KNTC1: variants seen among roughly 807,000 people sequenced by gnomAD.
KNTC1 encodes kinetochore-associated protein 1.
KNTC1 carries 253 observed loss-of-function variants against 314.4 expected under a neutral mutation model. That is an observed-to-expected ratio of 0.80 (90% CI 0.73 to 0.89). KNTC1 has a LOEUF of 0.89. Among genes scored for constraint, KNTC1 ranks in the 40% least tolerant of loss-of-function variants. The pLI is 0.00. For synonymous variants in KNTC1, 901 were observed against 901.4 expected, an observed-to-expected ratio of 1.00 and a Z score of 0.01; for missense variants, 2,475 against 2,572.9, an observed-to-expected ratio of 0.96 and a Z score of 0.82.
chr12:122,618,474 G>A lies in KNTC1; in HGVS notation c.6086-8G>A. ...TATATCATGGTTGTTTTTTTGTTTT[G>A]TTTTCAGCCTCTTGTCCTTTAAGTC... On this transcript the variant is annotated splice_polypyrimidine_tract_variant and splice_region_variant and intron_variant, in intron 58 of 63. Transcript: ENST00000333479. 1 of 1,509,478 alleles carries A rather than the reference G, an allele frequency of 6.6e-7. No homozygotes were observed. The highest frequency in any genetic ancestry group is 2.4e-5 in the East Asian group (1 of 41,282). 93.5% of individuals were successfully genotyped at this position (1,509,478 alleles called of 1,614,324 possible).
At chr12:122,610,780 C>T in intron 52 of KNTC1, 42 bp from the exon 53 acceptor site, 1 of 1,258,410 alleles carries the variant, frequency 7.9e-7, no homozygotes, top group South Asian at 1.2e-5. Flanking sequence ...GGTAATCCAT[C>T]ACTAAATTAA....
chr12:122,622,082 G>A (rs1452131325), intron 61 of KNTC1, 112 bp downstream of exon 61: 2 of 796,618 alleles, frequency 2.5e-6, no homozygotes, highest in Middle Eastern at 2.2e-4. Flanking sequence ...GTTTGTTTAT[G>A]TATAGAATTA....
intron 35 of KNTC1, 44 bp downstream of exon 35, chr12:122,584,494 A>G (rs370722847): frequency 1.4e-6 from 2 of 1,441,784 alleles, no homozygotes; most frequent in Non-Finnish European, 1.9e-6. Context: ...TCTCTGGTTC[A>G]TGTCATACTT....
intron 3 of KNTC1, among the ~76,000 whole-genome samples, chr12:122,536,038 C>T (rs1463797289): frequency 1.3e-5 from 2 of 150,404 alleles, no homozygotes; most frequent in African/African-American, 2.4e-5. Context: ...GGACTACAGG[C>T]GCCCACCACC....
Position 122,559,304 on chromosome 12 carries a change from C to T in KNTC1, c.1488+1615C>T, listed in dbSNP as rs575674610. On this transcript the variant is annotated intron_variant, in intron 18 of 63. Coordinates refer to ENST00000333479, the MANE Select transcript of KNTC1 (RefSeq NM_014708.6). ...TGGAGGTTGCTTTGAGCTGAGATCG[C>T]GCTTCCAGCCTGGCAACGGAGCAAG... Among the ~76,000 whole-genome samples the T allele has an allele frequency of 4.6e-5, 7 of 151,984 alleles. No individual in the cohort carries two copies. The South Asian group carries it at 6.2e-4, about 13-fold the overall frequency.
chr12:122,622,053 A>T, intron 61 of KNTC1, 83 bp downstream of exon 61: 4 of 930,920 alleles, frequency 4.3e-6, no homozygotes, highest in Non-Finnish European at 6.7e-6. Flanking sequence ...GAGTAAGCTG[A>T]AAACTGCTAT....
chr12:122,617,887 CT>C (rs796511098), intron 57 of KNTC1, among the ~76,000 whole-genome samples: 43 of 152,334 alleles, frequency 2.8e-4, no homozygotes, highest in African/African-American at 8.9e-4. Context: ...ATACAATTCA[CT>C]TGTAAAATTC....
At chr12:122,568,608 G>A (rs746160847) in intron 21 of KNTC1, among the ~76,000 whole-genome samples, 2 of 152,160 alleles carry the variant, frequency 1.3e-5, no homozygotes, top group South Asian at 2.1e-4. Flanking sequence ...AGGCCGAGGC[G>A]GGCTGATCAC....
At chr12:122,606,979 T>C (rs904619928) in intron 51 of KNTC1, among the ~76,000 whole-genome samples, 1 of 152,202 alleles carries the variant, frequency 6.6e-6, no homozygotes, top group Non-Finnish European at 1.5e-5. Context: ...ATTGTCCTAA[T>C]AACGTTTTTT....
At chr12:122,590,868 C>T in intron 41 of KNTC1, 133 bp downstream of exon 41, 2 of 843,370 alleles carry the variant, frequency 2.4e-6, no homozygotes, top group Non-Finnish European at 3.6e-6. Context: ...TTTCTACCAG[C>T]TTCTGCTTGA....
chr12:122,584,823 TA>T (rs1868996350), intron 35 of KNTC1, 69 bp from the exon 36 acceptor site: 1 of 801,546 alleles, frequency 1.2e-6, no homozygotes, highest in Non-Finnish European at 2.0e-6. Flanking sequence ...TGGTAATTAT[TA>T]AAAGGTTGTT....
chr12:122,604,910 A>C lies in KNTC1; in HGVS notation c.5209A>C (p.Lys1737Gln), dbSNP rs1484736662. 1 of 1,609,036 alleles carries C rather than the reference A, an allele frequency of 6.2e-7. No individual in the cohort carries two copies. Among genetic ancestry groups the C allele is most frequent in the Non-Finnish European group, 8.5e-7 (1 of 1,177,614 alleles). The change falls in exon 50 of 64, where the codon AAG (lysine) becomes CAG (glutamine). Residue 1737 changes from lysine to glutamine, a missense_variant. Physicochemically the swap from Lys to Gln is moderately conservative, Grantham distance 53 (BLOSUM62 1). Coordinates refer to ENST00000333479, the MANE Select transcript of KNTC1 (RefSeq NM_014708.6). Reference sequence around the variant, plus strand: ...ACGTGAAAAAGCCGAGGCTTTGTTGAAGAAGCTTCATATCCAGTACCGGCG... The same window carrying C: ...ACGTGAAAAAGCCGAGGCTTTGTTGCAGAAGCTTCATATCCAGTACCGGCG... ...EKREKAEALL[K>Q]KLHIQYRRSG...
At chr12:122,623,640 A>G (rs1480879379) in intron 62 of KNTC1, among the ~76,000 whole-genome samples, 1 of 152,248 alleles carries the variant, frequency 6.6e-6, no homozygotes, top group African/African-American at 2.4e-5. Flanking sequence ...GAGAGTGAAC[A>G]TAATTCTCTG....
chr12:122,609,043 A>G (rs1337961389), intron 51 of KNTC1, among the ~76,000 whole-genome samples: 1 of 152,174 alleles, frequency 6.6e-6, no homozygotes, highest in African/African-American at 2.4e-5. Context: ...TGAGTGACAG[A>G]GCAAGATCCT....
At chr12:122,602,289 T>A (rs2138113100) in intron 45 of KNTC1, 1 of 240,186 alleles carries the variant, frequency 4.2e-6, no homozygotes, top group South Asian at 1.4e-4. Flanking sequence ...ATATCTCAAA[T>A]TATTTGAAGA....
chr12:122,548,836 C>T (rs1962981033), intron 12 of KNTC1, among the ~76,000 whole-genome samples: 1 of 151,790 alleles, frequency 6.6e-6, no homozygotes. Flanking sequence ...GGCTTGGTGG[C>T]GTGCACCTGT....
At chr12:122,573,352 T>A in intron 26 of KNTC1, 67 bp downstream of exon 26, 1 of 1,366,376 alleles carries the variant, frequency 7.3e-7, no homozygotes, top group Non-Finnish European at 1.0e-6. Context: ...AGTAAATATT[T>A]AACTCTTTAA....
rs1232350926 is a variant in KNTC1 at position 122,586,741 on chromosome 12, C to T, written c.3714C>T (p.Tyr1238=). Residue 1238 remains tyrosine (Y), a synonymous_variant, in exon 38 of 64, where the codon TAC becomes TAT. Transcript: ENST00000333479. ...CCTTGGAGTCTACCAGTTTGCCATA[C>T]TGCTCCCTTAATGAAGGTATTTGGC... ...RYPLESTSLP[Y]CSLNEGDGLV... 3.1e-5 allele frequency: 45 copies of T among 1,464,404 alleles called. No homozygotes were observed. Among genetic ancestry groups the T allele is most frequent in the Non-Finnish European group, 4.0e-5 (43 of 1,088,278 alleles). 90.7% of individuals were successfully genotyped at this position (1,464,404 alleles called of 1,614,324 possible). A position where few individuals can be genotyped will look rare whatever the true frequency, so the allele number is the denominator to read the frequency against.
chr12:122,528,788 C>CT (rs1221353800), intron 1 of KNTC1, among the ~76,000 whole-genome samples: 12 of 152,252 alleles, frequency 7.9e-5, no homozygotes, highest in Admixed American at 2.6e-4. Context: ...TGTGCTATGC[C>CT]TGTAGGTGCA....
Sources: allele counts gnomAD v4.1 joint callset (sites outside exome capture counted in the v4.1 genomes callset), GRCh38; gene constraint gnomAD v4.1.1; transcripts MANE v1.5; gene names NCBI Gene and HGNC (gene_info 2026-07-23, HGNC 2026-07-21).